SPTLC3: variants seen among roughly 807,000 people sequenced by gnomAD.
SPTLC3 encodes the protein serine palmitoyltransferase long chain base subunit 3, also known as serine palmitoyltransferase 3.
Under a neutral mutation model 59.3 loss-of-function variants are expected in SPTLC3, and 36 were observed. The observed-to-expected ratio is 0.61, with a 90% CI of 0.47 to 0.80. The LOEUF (loss-of-function observed/expected upper bound fraction) is 0.80. SPTLC3 is among the 30% of genes least tolerant of loss of function. SPTLC3 has a pLI of 0.00. For missense variants in SPTLC3, 625 were observed against 685.1 expected (o/e 0.91, Z 0.98); for synonymous variants, 257 against 240.8 (o/e 1.07, Z -0.62).
At chr20:13,153,215 C>T (rs536379387) in intron 9 of SPTLC3, among the ~76,000 whole-genome samples, 16 of 152,334 alleles carry the variant, frequency 1.1e-4, no homozygotes, top group African/African-American at 2.9e-4. Context: ...AGACAGGCAT[C>T]TTCAGGATGG....
At position 13,117,849 on chromosome 20, in the gene SPTLC3, C is replaced by T; in HGVS notation, c.1152+124C>T. The T allele has an allele frequency of 1.6e-5, 14 of 887,964 alleles. No homozygotes were observed. The South Asian group carries it at 2.3e-4, about 15-fold the overall frequency. 55.0% of individuals were successfully genotyped at this position (887,964 alleles called of 1,614,324 possible). A position where few individuals can be genotyped will look rare whatever the true frequency, so the allele number is the denominator to read the frequency against. ...ACCACACCTCAGCTGATCACTCCAG[C>T]CTGGCTACAGTGGGTTCACAGCCAG... On this transcript the variant is annotated intron_variant, in intron 8 of 11. Transcript: ENST00000399002.
intron 1 of SPTLC3, among the ~76,000 whole-genome samples, chr20:13,041,233 G>A (rs866753303): frequency 1.3e-5 from 2 of 151,798 alleles, no homozygotes; most frequent in East Asian, 1.9e-4. Flanking sequence ...TGTACTCAAC[G>A]GTATCCCACA....
At chr20:13,038,187 G>A (rs1600222422) in intron 1 of SPTLC3, among the ~76,000 whole-genome samples, 2 of 151,986 alleles carry the variant, frequency 1.3e-5, no homozygotes, top group East Asian at 3.9e-4. Flanking sequence ...TGATCACCAA[G>A]GTAATATAAG....
chr20:13,154,170 T>C lies in SPTLC3; in HGVS notation c.1415+32T>C, dbSNP rs752490342. On this transcript the variant is annotated intron_variant, in intron 10 of 11. Transcript: ENST00000399002. The stretch of plus-strand genomic sequence containing the variant: ...ATCCAAGGCATCTCATAATCACACC[T>C]AAACCCCAAGGTGACCTAAGATGGC... 3 of 1,612,586 alleles carry C rather than the reference T, an allele frequency of 1.9e-6. No individual in the cohort carries two copies. The South Asian group carries it at 3.3e-5, about 18-fold the overall frequency.
chr20:13,074,691 A>G (rs553190981), intron 4 of SPTLC3, among the ~76,000 whole-genome samples, 194 bp downstream of exon 4: 31 of 152,348 alleles, frequency 2.0e-4, no homozygotes, highest in Non-Finnish European at 5.9e-5. Context: ...TGCATGTTTC[A>G]ATTCTCCAGA....
intron 1 of SPTLC3, among the ~76,000 whole-genome samples, chr20:13,020,435 G>A (rs1985818370): frequency 6.6e-6 from 1 of 152,042 alleles, no homozygotes; most frequent in African/African-American, 2.4e-5. Context: ...GGTTGAAGTG[G>A]GAGGACCACT....
At chr20:13,099,022 C>T (rs188098487) in intron 6 of SPTLC3, among the ~76,000 whole-genome samples, 9 of 152,252 alleles carry the variant, frequency 5.9e-5, no homozygotes, top group Admixed American at 1.3e-4. Flanking sequence ...CCTCCAAAGA[C>T]GTCCATGCCC....
chr20:13,088,082 G>A (rs1242019645), intron 4 of SPTLC3, among the ~76,000 whole-genome samples: 1 of 152,220 alleles, frequency 6.6e-6, no homozygotes, highest in Non-Finnish European at 1.5e-5. Context: ...TGCCCAGGCT[G>A]TTGGCCTTTT....
chr20:13,063,698 G>A (rs984570079), intron 2 of SPTLC3, among the ~76,000 whole-genome samples: 1 of 150,952 alleles, frequency 6.6e-6, no homozygotes, highest in Admixed American at 6.6e-5. Context: ...CTGTCTCCCA[G>A]GCTGGAGTGC....
At chr20:13,127,920 A>C (rs2038032284) in intron 9 of SPTLC3, among the ~76,000 whole-genome samples, 2 of 152,156 alleles carry the variant, frequency 1.3e-5, no homozygotes, top group Non-Finnish European at 2.9e-5. Context: ...GGAAGCCCTT[A>C]TGGTATGAGA....
At chr20:13,047,357 C>A (rs1431440) in intron 1 of SPTLC3, among the ~76,000 whole-genome samples, 3 of 152,136 alleles carry the variant, frequency 2.0e-5, no homozygotes, top group Non-Finnish European at 4.4e-5. Context: ...CAAATGTACA[C>A]GATTTAATAT....
rs900751704 is a variant in SPTLC3 at position 13,165,483 on chromosome 20, C to T, written c.*616C>T. ...AGAACTGATCAACTGCGACTAGAGA[C>T]GTCTTTGAAGGAAATTTTCCTTTTC... is the stretch of plus-strand genomic sequence containing the variant. On this transcript the variant is annotated 3_prime_UTR_variant, in exon 12 of 12. Transcript: ENST00000399002. 2 of 152,206 alleles carry T rather than the reference C, an allele frequency of 1.3e-5. No homozygotes were observed. Among genetic ancestry groups the T allele is most frequent in the South Asian group, 2.1e-4 (1 of 4,832 alleles). 9.4% of individuals were successfully genotyped at this position (152,206 alleles called of 1,614,324 possible).
At chr20:13,134,658 A>G (rs1362409193) in intron 9 of SPTLC3, among the ~76,000 whole-genome samples, 1 of 152,180 alleles carries the variant, frequency 6.6e-6, no homozygotes, top group Admixed American at 6.5e-5. Context: ...AAATTTGATA[A>G]CCATGTTTCT....
intron 4 of SPTLC3, among the ~76,000 whole-genome samples, chr20:13,075,385 G>A (rs1239471478): frequency 6.6e-6 from 1 of 152,204 alleles, no homozygotes. Context: ...TTACTATCAT[G>A]TTAATGAATT....
chr20:13,014,869 C>G (rs745694563), intron 1 of SPTLC3, among the ~76,000 whole-genome samples: 1 of 152,024 alleles, frequency 6.6e-6, no homozygotes. Flanking sequence ...GTAGACTTTC[C>G]ACACATGGGC....
chr20:13,153,871 C>A, intron 9 of SPTLC3, 132 bp from the exon 10 acceptor site: 1 of 1,202,508 alleles, frequency 8.3e-7, no homozygotes. Context: ...AGATATCTCC[C>A]TTCCCTACTT....
At chr20:13,143,850 A>G (rs2038443357) in intron 9 of SPTLC3, among the ~76,000 whole-genome samples, 1 of 152,198 alleles carries the variant, frequency 6.6e-6, no homozygotes, top group African/African-American at 2.4e-5. Flanking sequence ...TCTTCTTGCC[A>G]CAAATTGGAA....
At chr20:13,074,222 C>T (rs1019091335) in intron 3 of SPTLC3, 127 bp from the exon 4 acceptor site, 3 of 1,175,410 alleles carry the variant, frequency 2.6e-6, no homozygotes, top group African/African-American at 1.5e-5. Flanking sequence ...CAGATCTGAG[C>T]TGCCATCTCC....
At chr20:13,099,466 G>A (rs904694189) in intron 6 of SPTLC3, among the ~76,000 whole-genome samples, 7 of 152,178 alleles carry the variant, frequency 4.6e-5, no homozygotes, top group Non-Finnish European at 1.5e-5. Flanking sequence ...ACTTCTTACA[G>A]CAGCAATAGG....
Sources: allele counts gnomAD v4.1 joint callset (sites outside exome capture counted in the v4.1 genomes callset), GRCh38; gene constraint gnomAD v4.1.1; transcripts MANE v1.5; gene names NCBI Gene and HGNC (gene_info 2026-07-23, HGNC 2026-07-21).